BCR: variants seen among roughly 807,000 people sequenced by gnomAD.
BCR encodes breakpoint cluster region protein.
BCR carries 58 observed loss-of-function variants against 138.6 expected under a neutral mutation model. The observed-to-expected ratio is 0.42, with a 90% CI of 0.34 to 0.52. The LOEUF (loss-of-function observed/expected upper bound fraction) is 0.52. Among genes scored for constraint, BCR ranks in the 20% least tolerant of loss-of-function variants. BCR has a pLI of 0.06. For synonymous variants in BCR, 786 were observed against 730.1 expected, an observed-to-expected ratio of 1.08 and a Z score of -1.23; for missense variants, 1,599 against 1,727.2, an observed-to-expected ratio of 0.93 and a Z score of 1.32.
intron 1 of BCR, chr22:23,217,135 T>A (rs2072764093): frequency 2.8e-6 from 1 of 355,590 alleles, no homozygotes; most frequent in Admixed American, 3.5e-5. Flanking sequence ...GGACTGGAAG[T>A]GATTGTGGGA....
chr22:23,290,115 G>C lies in BCR; in HGVS notation c.2708-224G>C, dbSNP rs560273102. The C allele has an allele frequency of 9.9e-6, 6 of 607,994 alleles. No individual in the cohort carries two copies. In the East Asian group the frequency reaches 1.6e-4, roughly 17 times the overall value. The allele number at this position is 607,994 out of a possible 1,614,324, so 37.7% of individuals were successfully genotyped here. ...TGTCCTTGGAACCTTATTACACTTC[G>C]AGTCACTGGTTTGCCTGTATTGTGA... On this transcript the variant is annotated intron_variant, in intron 13 of 22. Transcript: ENST00000305877.
intron 1 of BCR, among the ~76,000 whole-genome samples, chr22:23,236,443 T>C (rs1171837532): frequency 1.3e-5 from 2 of 152,218 alleles, no homozygotes; most frequent in Non-Finnish European, 1.5e-5. Flanking sequence ...CTTGTCCTAA[T>C]AGACCACTCC....
At chr22:23,203,663 A>C (rs1314853955) in intron 1 of BCR, among the ~76,000 whole-genome samples, 10 of 152,166 alleles carry the variant, frequency 6.6e-5, no homozygotes, top group Non-Finnish European at 1.5e-5. Flanking sequence ...TGTGACACTC[A>C]GTTCTTTGTC....
At chr22:23,239,947 T>C (rs773605752) in intron 1 of BCR, among the ~76,000 whole-genome samples, 6 of 152,112 alleles carry the variant, frequency 3.9e-5, no homozygotes, top group Non-Finnish European at 7.4e-5. Context: ...GCCTCCCAAG[T>C]AGCTGAAAAC....
At chr22:23,203,589 G>A (rs575717573) in intron 1 of BCR, among the ~76,000 whole-genome samples, 1 of 152,170 alleles carries the variant, frequency 6.6e-6, no homozygotes, top group Admixed American at 6.5e-5. Context: ...ATAGGGAGGA[G>A]CCCTGAGCTG....
chr22:23,216,060 C>T (rs768482777), intron 1 of BCR, among the ~76,000 whole-genome samples: 1 of 152,126 alleles, frequency 6.6e-6, no homozygotes, highest in Non-Finnish European at 1.5e-5. Context: ...TTGAGTGTTT[C>T]GGAGGAAGCT....
intron 15 of BCR, among the ~76,000 whole-genome samples, chr22:23,294,306 G>GTTCT (rs2073821481): frequency 1.3e-5 from 2 of 152,162 alleles, no homozygotes; most frequent in Admixed American, 1.3e-4. Flanking sequence ...TGACAAACGT[G>GTTCT]GAATGACGTG....
intron 1 of BCR, among the ~76,000 whole-genome samples, chr22:23,247,127 C>T (rs1568952820): frequency 6.6e-6 from 1 of 152,172 alleles, no homozygotes; most frequent in Non-Finnish European, 1.5e-5. Flanking sequence ...GTAGAAGTCG[C>T]TGGCACCATG....
At chr22:23,308,837 G>A (rs552525763) in intron 16 of BCR, among the ~76,000 whole-genome samples, 7 of 152,298 alleles carry the variant, frequency 4.6e-5, no homozygotes, top group Admixed American at 2.6e-4. Flanking sequence ...GGATAGTGCC[G>A]GGTGGGGGTA....
intron 8 of BCR, among the ~76,000 whole-genome samples, chr22:23,274,303 C>G (rs915151257): frequency 2.6e-5 from 4 of 152,212 alleles, no homozygotes; most frequent in African/African-American, 4.8e-5. Context: ...CTTCCCCTTC[C>G]CCCCCGTCAC....
chr22:23,227,490 A>T (rs193193137), intron 1 of BCR, among the ~76,000 whole-genome samples: 10 of 152,366 alleles, frequency 6.6e-5, no homozygotes, highest in Admixed American at 3.9e-4. Context: ...GACTGTAAGC[A>T]TGGTTAAACA....
chr22:23,202,727 G>GTGTGTC (rs1384732543), intron 1 of BCR, among the ~76,000 whole-genome samples: 2 of 144,452 alleles, frequency 1.4e-5, no homozygotes, highest in Admixed American at 1.4e-4. Flanking sequence ...TTGTTTGTGT[G>GTGTGTC]TGTGTGTGTG....
At chr22:23,227,522 G>A (rs2072908522) in intron 1 of BCR, among the ~76,000 whole-genome samples, 1 of 152,230 alleles carries the variant, frequency 6.6e-6, no homozygotes, top group Non-Finnish European at 1.5e-5. Context: ...TGTCAGGGAA[G>A]CGTGAGAGAT....
chr22:23,242,898 C>G (rs1051737124), intron 1 of BCR: 1 of 455,776 alleles, frequency 2.2e-6, no homozygotes, highest in Non-Finnish European at 4.4e-6. Context: ...TCCTTCCTTT[C>G]TGTTCCCAGC....
chr22:23,247,257 C>G (rs1354037587), intron 1 of BCR, among the ~76,000 whole-genome samples: 1 of 152,188 alleles, frequency 6.6e-6, no homozygotes, highest in East Asian at 1.9e-4. Flanking sequence ...TCTGTGAAAA[C>G]CTCCACCACA....
Position 23,268,402 on chromosome 22 carries a change from C to A in BCR, c.1753-6C>A, listed in dbSNP as rs142557670. The A allele has an allele frequency of 2.5e-6, 4 of 1,606,378 alleles. No homozygotes were observed. Among genetic ancestry groups the A allele is most frequent in the Non-Finnish European group, 3.4e-6 (4 of 1,175,896 alleles). On this transcript the variant is annotated splice_polypyrimidine_tract_variant and splice_region_variant and intron_variant, in intron 4 of 22. Transcript: ENST00000305877. ...GTCCCACTCTCTCTTCCTTCCTCCCCCTCAGGCCAGCCAGCTGGGTGTGTA... is the reference window on the plus strand; with the variant it reads ...GTCCCACTCTCTCTTCCTTCCTCCCACTCAGGCCAGCCAGCTGGGTGTGTA...
chr22:23,273,127 C>A lies in BCR; in HGVS notation c.1968C>A (p.Val656=), dbSNP rs199708821. ...ACCGTGTGACGAGGAGCACGCTGGT[C>A]CTCCATGTAAGTCACAGCGCCCCTC... ...PVDRVTRSTL[V]LHDLLKHTPA... is the part of the protein sequence containing the mutation. Residue 656 remains valine (V), a synonymous_variant, in exon 7 of 23, where the codon GTC becomes GTA. Transcript: ENST00000305877. The A allele has an allele frequency of 6.2e-6, 10 of 1,613,446 alleles. No homozygotes were observed. Among genetic ancestry groups the A allele is most frequent in the Non-Finnish European group, 6.8e-6 (8 of 1,179,666 alleles).
At chr22:23,234,066 G>C (rs1444759075) in intron 1 of BCR, among the ~76,000 whole-genome samples, 1 of 152,160 alleles carries the variant, frequency 6.6e-6, no homozygotes, top group Non-Finnish European at 1.5e-5. Flanking sequence ...TGTCATTAAT[G>C]GCGTGTGCAT....
chr22:23,221,383 C>G (rs887447714), intron 1 of BCR, among the ~76,000 whole-genome samples: 6 of 152,214 alleles, frequency 3.9e-5, no homozygotes, highest in Non-Finnish European at 1.5e-5. Context: ...CTTCTCTCCC[C>G]TCCCTCCTTC....
Sources: allele counts gnomAD v4.1 joint callset (sites outside exome capture counted in the v4.1 genomes callset), GRCh38; gene constraint gnomAD v4.1.1; transcripts MANE v1.5; gene names NCBI Gene and HGNC (gene_info 2026-07-23, HGNC 2026-07-21).